POU6F2: variants seen among roughly 807,000 people sequenced by gnomAD.
The protein encoded by POU6F2 is POU domain, class 6, transcription factor 2.
A neutral mutation model predicts 71.3 loss-of-function variants in POU6F2; 31 were observed. That is an observed-to-expected ratio of 0.43 (90% confidence interval 0.33 to 0.59). The LOEUF (loss-of-function observed/expected upper bound fraction) is 0.59, where lower values mean the gene tolerates loss of function less well. Ranked by LOEUF, POU6F2 falls within the 20% of genes least tolerant of loss-of-function variation. POU6F2 has a pLI of 0.04. For missense variants in POU6F2, 783 were observed against 856.8 expected (o/e 0.91, Z 1.07); for synonymous variants, 347 against 355.7 (o/e 0.98, Z 0.27).
chr7:39,056,678 ATGTG>A (rs3057270), intron 1 of POU6F2, among the ~76,000 whole-genome samples: 1 of 142,118 alleles, frequency 7.0e-6, no homozygotes, highest in Non-Finnish European at 1.5e-5. Context: ...GTGTGTGTGT[ATGTG>A]TGTGTGTGTG....
intron 2 of POU6F2, among the ~76,000 whole-genome samples, chr7:39,202,797 A>G (rs978059336): frequency 1.3e-5 from 2 of 152,248 alleles, no homozygotes; most frequent in African/African-American, 4.8e-5. Context: ...AATCATTAAA[A>G]TGCCAAACAT....
intron 2 of POU6F2, among the ~76,000 whole-genome samples, chr7:39,185,354 C>G (rs1793511537): frequency 1.3e-5 from 2 of 152,142 alleles, no homozygotes; most frequent in African/African-American, 2.4e-5. Flanking sequence ...ACATGACAAC[C>G]AGGAAAATTG....
At chr7:39,336,600 T>C (rs987203321) in intron 4 of POU6F2, among the ~76,000 whole-genome samples, 1 of 152,222 alleles carries the variant, frequency 6.6e-6, no homozygotes, top group African/African-American at 2.4e-5. Flanking sequence ...GCTTCCTTCC[T>C]CCTCAGCGTG....
chr7:39,410,300 C>CCCAGGCT (rs1787526994), intron 6 of POU6F2, among the ~76,000 whole-genome samples: 1 of 152,156 alleles, frequency 6.6e-6, no homozygotes, highest in African/African-American at 2.4e-5. Context: ...CAGAGTGAGA[C>CCCAGGCT]CCTGTCTCCA....
chr7:39,264,870 T>C (rs761388818), intron 4 of POU6F2, among the ~76,000 whole-genome samples: 16 of 152,098 alleles, frequency 1.1e-4, no homozygotes, highest in Non-Finnish European at 2.1e-4. Flanking sequence ...CACAAAGAAC[T>C]GTTCTAAAGA....
chr7:39,260,070 T>A (rs569624694), intron 4 of POU6F2, among the ~76,000 whole-genome samples: 61 of 149,002 alleles, frequency 4.1e-4, no homozygotes, highest in African/African-American at 1.4e-3. Flanking sequence ...TCCATACACA[T>A]ACGATACACA....
intron 2 of POU6F2, among the ~76,000 whole-genome samples, chr7:39,156,501 G>A (rs1177779807): frequency 1.3e-5 from 2 of 152,124 alleles, no homozygotes; most frequent in Non-Finnish European, 2.9e-5. Flanking sequence ...TGAAATGAAT[G>A]CTGTTATAAT....
intron 1 of POU6F2, among the ~76,000 whole-genome samples, chr7:39,007,123 A>G (rs1789096526): frequency 6.6e-6 from 1 of 152,204 alleles, no homozygotes; most frequent in Non-Finnish European, 1.5e-5. Flanking sequence ...CATTGACTAT[A>G]TATCTCTTTC....
At chr7:39,094,525 G>T (rs1323080224) in intron 2 of POU6F2, among the ~76,000 whole-genome samples, 6 of 152,112 alleles carry the variant, frequency 3.9e-5, no homozygotes, top group Middle Eastern at 3.4e-3. Context: ...TGAGTGATTG[G>T]TGTACAATAA....
chr7:39,044,576 G>T (rs1435128558), intron 1 of POU6F2, among the ~76,000 whole-genome samples: 1 of 151,856 alleles, frequency 6.6e-6, no homozygotes, highest in Non-Finnish European at 1.5e-5. Context: ...TCAAAATATT[G>T]CCACCTTCGT....
intron 5 of POU6F2, among the ~76,000 whole-genome samples, chr7:39,395,340 T>C (rs560779709): frequency 2.6e-5 from 4 of 152,342 alleles, no homozygotes; most frequent in Admixed American, 2.0e-4. Context: ...ACACCTTTGA[T>C]GATGCTATTC....
chr7:39,031,811 G>A (rs1789949260), intron 1 of POU6F2, among the ~76,000 whole-genome samples: 1 of 152,004 alleles, frequency 6.6e-6, no homozygotes, highest in Non-Finnish European at 1.5e-5. Flanking sequence ...AACCCGGGAG[G>A]TGGAGGCTGC....
chr7:39,063,918 C>T (rs1027074537), intron 1 of POU6F2, among the ~76,000 whole-genome samples: 11 of 152,106 alleles, frequency 7.2e-5, no homozygotes, highest in Middle Eastern at 3.4e-3. Context: ...TTAGTGAAGA[C>T]GCCTTTAATG....
At chr7:39,024,315 T>C (rs994315986) in intron 1 of POU6F2, among the ~76,000 whole-genome samples, 1 of 151,808 alleles carries the variant, frequency 6.6e-6, no homozygotes, top group Non-Finnish European at 1.5e-5. Context: ...TTGTCTGTTA[T>C]TGGTGTGTAA....
chr7:39,017,853 A>T (rs1789595784), intron 1 of POU6F2, among the ~76,000 whole-genome samples: 2 of 135,418 alleles, frequency 1.5e-5, no homozygotes, highest in East Asian at 2.1e-4. Context: ...ATTTGAGTGG[A>T]TTTTTTTCAG....
At chr7:39,286,893 G>T (rs1044835599) in intron 4 of POU6F2, among the ~76,000 whole-genome samples, 19 of 151,752 alleles carry the variant, frequency 1.3e-4, no homozygotes, top group African/African-American at 4.4e-4. Context: ...CTCCCAAAGT[G>T]CTGGGATTAC....
chr7:39,225,005 C>G (rs922406993), intron 4 of POU6F2, among the ~76,000 whole-genome samples: 5 of 152,166 alleles, frequency 3.3e-5, no homozygotes, highest in African/African-American at 1.2e-4. Flanking sequence ...GAACTCCAAC[C>G]ACTTCTCACT....
chr7:39,325,539 C>A (rs1216815291), intron 4 of POU6F2, among the ~76,000 whole-genome samples: 1 of 152,220 alleles, frequency 6.6e-6, no homozygotes, highest in Non-Finnish European at 1.5e-5. Flanking sequence ...TTGCTGTATA[C>A]TCCAGCTTCC....
intron 2 of POU6F2, among the ~76,000 whole-genome samples, chr7:39,189,100 C>T (rs1455295702): frequency 2.6e-5 from 4 of 152,200 alleles, no homozygotes; most frequent in Admixed American, 2.0e-4. Flanking sequence ...CACCTAGGAC[C>T]TGGCCTGGTG....
Sources: allele counts gnomAD v4.1 joint callset (sites outside exome capture counted in the v4.1 genomes callset), GRCh38; gene constraint gnomAD v4.1.1; transcripts MANE v1.5; gene names NCBI Gene and HGNC (gene_info 2026-07-23, HGNC 2026-07-21).